The following SYNE1 variants were observed in gnomAD, a reference collection of about 807,000 sequenced individuals.
The protein encoded by SYNE1 is spectrin repeat containing nuclear envelope protein 1, also known as nesprin-1.
A neutral mutation model predicts 1,111.0 loss-of-function variants in SYNE1; 616 were observed. The ratio of observed to expected loss-of-function variants is 0.55; its 90% CI spans 0.52 to 0.59. The LOEUF (loss-of-function observed/expected upper bound fraction) is 0.59. Ranked by LOEUF, SYNE1 falls within the 20% of genes least tolerant of loss-of-function variation. The pLI is 0.00. For synonymous variants in SYNE1, 3,855 were observed against 3,825.8 expected (o/e 1.01, Z -0.28); for missense variants, 10,006 against 10,417.0 (o/e 0.96, Z 1.72).
rs1035700861 is a variant in SYNE1 at position 152,122,259 on chromosome 6, C to T, written c.*177G>A. 3.2e-6 allele frequency: 3 copies of T among 925,430 alleles called. No individual in the cohort carries two copies. The highest frequency in any genetic ancestry group is 3.3e-5 in the African/African-American group (2 of 61,248). 57.3% of individuals were successfully genotyped at this position (925,430 alleles called of 1,614,324 possible). ...TTGTTGTCTGTTTGTTCCCCCGTCACTGTTTATCTTCCACCTCTGAAGCCA... is the reference window on the plus strand; with the variant it reads ...TTGTTGTCTGTTTGTTCCCCCGTCATTGTTTATCTTCCACCTCTGAAGCCA... On this transcript the variant is annotated 3_prime_UTR_variant, in exon 146 of 146. Transcript: ENST00000367255.
At chr6:152,615,732 A>G (rs2099644147) in intron 3 of SYNE1, among the ~76,000 whole-genome samples, 1 of 152,248 alleles carries the variant, frequency 6.6e-6, no homozygotes, top group Non-Finnish European at 1.5e-5. Flanking sequence ...ATATAGTCAA[A>G]GAAGTGTCAT....
chr6:152,346,805 G>A (rs906516654), intron 73 of SYNE1, among the ~76,000 whole-genome samples: 11 of 151,756 alleles, frequency 7.2e-5, no homozygotes, highest in Non-Finnish European at 1.3e-4. Flanking sequence ...GTGAGACTCC[G>A]TCTCAAACAA....
intron 12 of SYNE1, among the ~76,000 whole-genome samples, chr6:152,485,472 G>A (rs2098934284): frequency 6.6e-6 from 1 of 152,164 alleles, no homozygotes; most frequent in African/African-American, 2.4e-5. Flanking sequence ...TTGTGTTTAA[G>A]TAAGCCTGCA....
intron 91 of SYNE1, among the ~76,000 whole-genome samples, chr6:152,305,106 T>A (rs2095330464): frequency 6.6e-6 from 1 of 152,106 alleles, no homozygotes; most frequent in African/African-American, 2.4e-5. Flanking sequence ...TCAGGTAGAG[T>A]GGCCGCTAGA....
chr6:152,134,914 T>G, intron 142 of SYNE1, 190 bp downstream of exon 142: 2 of 646,774 alleles, frequency 3.1e-6, no homozygotes, highest in Non-Finnish European at 5.2e-6. Flanking sequence ...CTAGCAGATA[T>G]CATCTTCTAT....
Position 152,461,690 on chromosome 6 carries a change from T to C in SYNE1, c.2301A>G (p.Thr767=), listed in dbSNP as rs2098735031. ...PVMDAQYKII[T]KTAHLITKES... is the part of the protein sequence containing the mutation. ...CTTTGGTAATGAGGTGTGCTGTCTT[T>C]GTAATTATCTTGTATTGGGCATCCA... The change falls in exon 21 of 146, where the codon ACA becomes ACG. Residue 767 remains threonine, a synonymous_variant. Coordinates refer to ENST00000367255, the MANE Select transcript of SYNE1 (RefSeq NM_182961.4). 6.2e-7 allele frequency: 1 copy of C among 1,614,038 alleles called. No homozygotes were observed. Among genetic ancestry groups the C allele is most frequent in the South Asian group, 1.1e-5 (1 of 91,086 alleles).
At chr6:152,377,025 C>G (rs1591454873) in intron 56 of SYNE1, 113 bp from the exon 57 acceptor site, 1 of 1,328,656 alleles carries the variant, frequency 7.5e-7, no homozygotes, top group South Asian at 1.2e-5. Context: ...GAAGAACCAA[C>G]ATGGTAGATT....
chr6:152,143,137 T>G (rs1000946686), intron 138 of SYNE1, among the ~76,000 whole-genome samples: 1 of 152,150 alleles, frequency 6.6e-6, no homozygotes, highest in Non-Finnish European at 1.5e-5. Flanking sequence ...CCCAAATCCC[T>G]CTTGCTAGAA....
In SYNE1 at chr6:152,471,765, C is replaced by T. The variant is rs1301242310; in HGVS notation, c.1464G>A (p.Arg488=). The part of the protein sequence containing the change: ...PPDQLEDMAE[R]FHFVSSTSEL... ...CTGATGTGGAGGAAACAAAATGAAA[C>T]CTAGAAATAAAACAGGGAGAATTTA... The change falls in exon 16 of 146, where the codon AGG becomes AGA. Residue 488 remains arginine, a splice_region_variant and synonymous_variant. Transcript: ENST00000367255. 1.2e-6 allele frequency: 2 copies of T among 1,613,202 alleles called. No homozygotes were observed. The highest frequency in any genetic ancestry group is 1.7e-6 in the Non-Finnish European group (2 of 1,179,462).
In SYNE1 at chr6:152,331,884, A is replaced by G. The variant is rs774937115; in HGVS notation, c.12801T>C (p.Asp4267=). The G allele has an allele frequency of 6.2e-7, 1 of 1,611,586 alleles. No individual in the cohort carries two copies. Among genetic ancestry groups the G allele is most frequent in the Non-Finnish European group, 8.5e-7 (1 of 1,180,012 alleles). The stretch of plus-strand genomic sequence containing the variant: ...CCAGGTGGACAGCTGTACTCTCTGC[A>G]TCAGATCTGAAAATACATGGAAAGG... ...TTEWDNLARS[D]AESTAVHLEA... The change falls in exon 78 of 146, where the codon GAT becomes GAC. Residue 4267 remains aspartate (D), a synonymous_variant. Coordinates refer to ENST00000367255, the MANE Select transcript of SYNE1 (RefSeq NM_182961.4).
intron 98 of SYNE1, among the ~76,000 whole-genome samples, chr6:152,271,956 C>T (rs180964105): frequency 1.1e-4 from 16 of 152,212 alleles, no homozygotes; most frequent in South Asian, 2.1e-4. Flanking sequence ...GAGCCCAACA[C>T]GCTCTTCTAC....
At chr6:152,531,863 G>C (rs992759988) in intron 4 of SYNE1, among the ~76,000 whole-genome samples, 1 of 152,116 alleles carries the variant, frequency 6.6e-6, no homozygotes, top group Admixed American at 6.5e-5. Context: ...GTATTCCATT[G>C]TATGGATATA....
At chr6:152,294,916 AT>A (rs199566597) in intron 93 of SYNE1, among the ~76,000 whole-genome samples, 2,260 of 152,290 alleles carry the variant, frequency 0.015, 27 homozygotes, top group Middle Eastern at 0.031. Context: ...TAGAAATTTA[AT>A]TGGGGGAGTA....
intron 46 of SYNE1, among the ~76,000 whole-genome samples, chr6:152,402,867 T>A (rs1314965118): frequency 1.3e-5 from 2 of 152,142 alleles, no homozygotes; most frequent in Admixed American, 6.5e-5. Context: ...AAAGTCCAAC[T>A]GTTAACCATT....
intron 122 of SYNE1, among the ~76,000 whole-genome samples, chr6:152,213,976 A>AG (rs1378329755): frequency 1.3e-5 from 2 of 152,170 alleles, no homozygotes; most frequent in African/African-American, 4.8e-5. Context: ...TGAGGTGGAC[A>AG]GATCACCTGA....
At position 152,133,394 on chromosome 6, in the gene SYNE1, C is replaced by T; in HGVS notation, c.25883G>A (p.Cys8628Tyr). The change falls in exon 143 of 146, where the codon TGT becomes TAT. Residue 8628 changes from cysteine (C) to tyrosine (Y), a missense_variant. This residue lies in a region of SYNE1 where 761 missense variants were observed against 795.5 expected (regional missense o/e 0.96). Coordinates refer to ENST00000367255, the MANE Select transcript of SYNE1 (RefSeq NM_182961.4). Reference protein sequence around the residue: ...QLLVNAEGTDCLEAKEKVHVI... With the variant: ...QLLVNAEGTDYLEAKEKVHVI... ...ATGGACTTTTTCTTTGGCTTCTAAA[C>T]AGTCTGTTCCTTCAGCATTCACCAG... The T allele has an allele frequency of 6.2e-7, 1 of 1,614,192 alleles. No homozygotes were observed. The highest frequency in any genetic ancestry group is 1.1e-5 in the South Asian group (1 of 91,086).
intron 3 of SYNE1, among the ~76,000 whole-genome samples, chr6:152,611,081 C>T (rs372100096): frequency 6.6e-6 from 1 of 152,298 alleles, no homozygotes; most frequent in South Asian, 2.1e-4. Flanking sequence ...GAAGAAACTG[C>T]ATCAGTTAGC....
intron 81 of SYNE1, among the ~76,000 whole-genome samples, chr6:152,324,232 C>G (rs1260079945): frequency 6.6e-6 from 1 of 151,862 alleles, no homozygotes; most frequent in Non-Finnish European, 1.5e-5. Flanking sequence ...AACCCCGTCT[C>G]TACTAAAAAT....
intron 81 of SYNE1, 73 bp from the exon 82 acceptor site, chr6:152,323,810 G>T (rs1305246817): frequency 6.5e-7 from 1 of 1,535,968 alleles, no homozygotes; most frequent in African/African-American, 1.4e-5. Flanking sequence ...TCCCATAAAA[G>T]CCACACACTA....
Sources: allele counts gnomAD v4.1 joint callset (sites outside exome capture counted in the v4.1 genomes callset), GRCh38; gene constraint gnomAD v4.1.1; regional missense constraint gnomAD v4.1.1; transcripts MANE v1.5; gene names NCBI Gene and HGNC (gene_info 2026-07-23, HGNC 2026-07-21).